INO80: variants seen among roughly 807,000 people sequenced by gnomAD.
The protein encoded by INO80 is chromatin-remodeling ATPase INO80.
Under a neutral mutation model 203.4 loss-of-function variants are expected in INO80, and 20 were observed. The observed-to-expected ratio is 0.10, with a 90% CI of 0.07 to 0.14. The LOEUF is 0.14. INO80 is among the 10% of genes least tolerant of loss of function. The pLI is 1.00. For synonymous variants in INO80, 726 were observed against 685.2 expected, an observed-to-expected ratio of 1.06 and a Z score of -0.93; for missense variants, 1,419 against 1,914.4, an observed-to-expected ratio of 0.74 and a Z score of 4.83.
At chr15:41,072,991 G>C (rs1055503086) in intron 11 of INO80, among the ~76,000 whole-genome samples, 1 of 151,868 alleles carries the variant, frequency 6.6e-6, no homozygotes, top group African/African-American at 2.4e-5. Flanking sequence ...GTGTTAGCCT[G>C]GATGGTCTCG....
chr15:41,074,992 A>C (rs1306940641), intron 9 of INO80, among the ~76,000 whole-genome samples: 1 of 152,156 alleles, frequency 6.6e-6, no homozygotes, highest in Admixed American at 6.5e-5. Context: ...TGGCTTCAGC[A>C]TCCCAAAGTG....
intron 25 of INO80, among the ~76,000 whole-genome samples, chr15:41,022,207 A>AGT (rs2044304706): frequency 2.0e-5 from 3 of 152,254 alleles, no homozygotes; most frequent in Non-Finnish European, 2.9e-5. Context: ...AAGCTAGACT[A>AGT]AGACATGGGG....
At chr15:40,987,311 T>A in intron 30 of INO80, 118 bp from the exon 31 acceptor site, 1 of 595,966 alleles carries the variant, frequency 1.7e-6, no homozygotes, top group Non-Finnish European at 3.0e-6. Flanking sequence ...TGGTTTCCTA[T>A]TTCTTCTTTT....
At chr15:41,085,607 G>C in intron 6 of INO80, 24 bp from the exon 7 acceptor site, 2 of 1,587,208 alleles carry the variant, frequency 1.3e-6, no homozygotes, top group African/African-American at 1.3e-5. Flanking sequence ...AGATGCAACA[G>C]GTTGCACTTC....
intron 15 of INO80, among the ~76,000 whole-genome samples, chr15:41,059,158 C>A (rs1298369464): frequency 6.6e-6 from 1 of 150,582 alleles, no homozygotes; most frequent in Non-Finnish European, 1.5e-5. Flanking sequence ...GATGGGGTCT[C>A]ACTATGTTAC....
intron 24 of INO80, among the ~76,000 whole-genome samples, chr15:41,042,452 C>G (rs995473911): frequency 6.6e-6 from 1 of 151,964 alleles, no homozygotes; most frequent in Non-Finnish European, 1.5e-5. Flanking sequence ...ACTCCTGGCC[C>G]TGAAAGCAGA....
At chr15:41,077,903 C>CTTT (rs555381572) in intron 9 of INO80, among the ~76,000 whole-genome samples, 1 of 139,278 alleles carries the variant, frequency 7.2e-6, no homozygotes, top group Non-Finnish European at 1.6e-5. Context: ...AGAATAACAT[C>CTTT]TTTTTTTTTT....
intron 1 of INO80, among the ~76,000 whole-genome samples, chr15:41,109,456 T>G (rs534860905): frequency 6.7e-6 from 1 of 149,880 alleles, no homozygotes; most frequent in Non-Finnish European, 1.5e-5. Flanking sequence ...TCAAAAAAAG[T>G]ACTAATGAGT....
Position 41,042,532 on chromosome 15 carries a change from G to A in INO80, c.2907+2372C>T, listed in dbSNP as rs75557596. ...TCTGTCACCCAGGCTGGAGTGCAGTGGTGTGATCTCCACTCACTGTAACCT... is the reference window on the plus strand; with the variant it reads ...TCTGTCACCCAGGCTGGAGTGCAGTAGTGTGATCTCCACTCACTGTAACCT... On this transcript the variant is annotated intron_variant, in intron 24 of 35. Transcript: ENST00000648947. Among the ~76,000 whole-genome samples, 980 of 152,220 alleles carry A rather than the reference G, an allele frequency of 6.4e-3. 41 individuals are homozygous for A. In the East Asian group the frequency reaches 0.069, roughly 11 times the overall value.
intron 19 of INO80, among the ~76,000 whole-genome samples, chr15:41,052,405 G>A (rs1425774218): frequency 1.3e-5 from 2 of 152,062 alleles, no homozygotes; most frequent in Admixed American, 6.5e-5. Flanking sequence ...CAGCACGGTG[G>A]CTCATGCTTA....
At chr15:41,034,441 T>TA (rs1404300606) in intron 24 of INO80, among the ~76,000 whole-genome samples, 1 of 152,156 alleles carries the variant, frequency 6.6e-6, no homozygotes, top group African/African-American at 2.4e-5. Context: ...AACATGTAGC[T>TA]AAGTGAACAC....
chr15:41,009,059 T>C (rs2044094086), intron 27 of INO80, among the ~76,000 whole-genome samples: 1 of 152,296 alleles, frequency 6.6e-6, no homozygotes, highest in African/African-American at 2.4e-5. Context: ...CTCAAACTCC[T>C]GACCTCAGGT....
At chr15:41,079,347 A>G (rs1030006301) in intron 9 of INO80, among the ~76,000 whole-genome samples, 3 of 152,134 alleles carry the variant, frequency 2.0e-5, no homozygotes, top group African/African-American at 7.2e-5. Context: ...TTCTTGAGGA[A>G]TAAGAGCCCA....
At position 40,984,365 on chromosome 15, in the gene INO80, G is replaced by A. The variant is rs761678862; in HGVS notation, c.3922-13C>T. On this transcript the variant is annotated splice_polypyrimidine_tract_variant and intron_variant, in intron 32 of 35. Coordinates refer to ENST00000648947, the MANE Select transcript of INO80 (RefSeq NM_017553.3). Reference sequence around the variant, plus strand: ...CTTCTTTTTTCTTCTGGGAACACACGGATAAATATGGAAAACGTGTGAGGA... The same window carrying A: ...CTTCTTTTTTCTTCTGGGAACACACAGATAAATATGGAAAACGTGTGAGGA... 1.7e-5 allele frequency: 28 copies of A among 1,610,310 alleles called. No homozygotes were observed. The highest frequency in any genetic ancestry group is 1.7e-4 in the Middle Eastern group (1 of 6,050).
intron 14 of INO80, 89 bp from the exon 15 acceptor site, chr15:41,060,015 AAACT>A: frequency 1.1e-6 from 1 of 900,540 alleles, no homozygotes; most frequent in Admixed American, 2.5e-5. Flanking sequence ...ATTTAAAAAG[AAACT>A]AATAAAATGA....
intron 5 of INO80, 93 bp from the exon 6 acceptor site, chr15:41,087,775 G>C: frequency 7.9e-7 from 1 of 1,264,934 alleles, no homozygotes; most frequent in Admixed American, 2.4e-5. Flanking sequence ...GGAAATCATA[G>C]CTCCTAAATA....
intron 19 of INO80, among the ~76,000 whole-genome samples, chr15:41,052,708 G>A (rs962730317): frequency 9.2e-4 from 138 of 150,116 alleles, no homozygotes; most frequent in Non-Finnish European, 1.3e-3. Context: ...AATACAAGGG[G>A]AAAAAACGGA....
At chr15:41,031,530 AGAAGGG>A (rs2044463820) in intron 24 of INO80, among the ~76,000 whole-genome samples, 1 of 7,490 alleles carries the variant, frequency 1.3e-4, no homozygotes, top group Admixed American at 1.7e-3. Context: ...GGGAGGAAGG[AGAAGGG>A]AGGAAGGGAG....
rs1173817313 is a variant in INO80, at chr15:41,051,172, T to C, written c.2275-1070A>G. Among the ~76,000 whole-genome samples, 17 of 144,848 alleles carry C rather than the reference T, an allele frequency of 1.2e-4. No homozygotes were observed. In the Admixed American group the frequency reaches 1.2e-3, roughly 10 times the overall value. ...AGTTCTCCCATAATCAAACCTACCT[T>C]ACTGTCTGAGTTTCTCATCATCATA... On this transcript the variant is annotated intron_variant, in intron 19 of 35. Coordinates refer to ENST00000648947, the MANE Select transcript of INO80 (RefSeq NM_017553.3).
Sources: gnomAD v4.1 joint callset for allele counts (sites outside exome capture counted in the v4.1 genomes callset) on GRCh38, gnomAD v4.1.1 for gene constraint, MANE v1.5 for transcripts, NCBI Gene and HGNC (gene_info 2026-07-23, HGNC 2026-07-21) for gene names.